Variants in DENND1A observed in about 807,000 individuals in gnomAD.
The protein encoded by DENND1A is DENN domain containing 1A, also known as DENN domain-containing protein 1A.
In DENND1A, 51 loss-of-function variants were observed where a neutral mutation model predicts 113.7. The ratio of observed to expected loss-of-function variants is 0.45; its 90% CI spans 0.36 to 0.57. DENND1A has a LOEUF of 0.57. DENND1A is among the 20% of genes least tolerant of loss of function. The probability of loss-of-function intolerance (pLI) is 0.00; values close to 1 mark genes in which losing one functional copy is unlikely to be tolerated. For synonymous variants in DENND1A, 565 were observed against 570.8 expected, an observed-to-expected ratio of 0.99 and a Z score of 0.14; for missense variants, 1,258 against 1,395.9, an observed-to-expected ratio of 0.90 and a Z score of 1.57.
intron 17 of DENND1A, among the ~76,000 whole-genome samples, chr9:123,451,054 G>GAGTA (rs1470772333): frequency 2.6e-5 from 4 of 152,024 alleles, no homozygotes; most frequent in African/African-American, 9.7e-5. Flanking sequence ...CCTGGTGACA[G>GAGTA]CTACCAGTAA....
At chr9:123,624,981 T>A (rs756354987) in intron 10 of DENND1A, among the ~76,000 whole-genome samples, 2 of 152,180 alleles carry the variant, frequency 1.3e-5, no homozygotes, top group Admixed American at 1.3e-4. Context: ...TGTAGAAATA[T>A]TGGAAAATAT....
rs78889184 is a variant in DENND1A at position 123,599,636 on chromosome 9, T to A, written c.765+9800A>T. 5.1e-3 allele frequency among the ~76,000 whole-genome samples: 776 copies of A among 152,226 alleles called. 6 individuals carry two copies. The highest frequency in any genetic ancestry group is 0.018 in the African/African-American group (738 of 41,528). The stretch of plus-strand genomic sequence containing the variant: ...GCGACTTGCCCAAATTACAGATAGA[T>A]AAATGGCAGAGCTGGGATTCAAACT... On this transcript the variant is annotated intron_variant, in intron 11 of 23. Coordinates refer to ENST00000394215, the MANE Select transcript of DENND1A (RefSeq NM_001352964.2).
chr9:123,918,691 A>G (rs73577788), intron 1 of DENND1A, among the ~76,000 whole-genome samples: 10,980 of 152,212 alleles, frequency 0.072, 645 homozygotes, highest in African/African-American at 0.16. Context: ...TGCCTTTCCT[A>G]TATGAACTGT....
At chr9:123,832,974 T>G (rs551573483) in intron 2 of DENND1A, among the ~76,000 whole-genome samples, 3 of 151,844 alleles carry the variant, frequency 2.0e-5, no homozygotes, top group African/African-American at 7.2e-5. Context: ...TTAGCCAGGT[T>G]GGGGGTCCGG....
intron 13 of DENND1A, among the ~76,000 whole-genome samples, chr9:123,496,794 G>A (rs1441704334): frequency 2.0e-5 from 3 of 152,336 alleles, no homozygotes; most frequent in East Asian, 3.9e-4. Context: ...GTACACGTAG[G>A]GGGAAAACCG....
chr9:123,661,434 AC>A (rs1260912468), intron 8 of DENND1A, among the ~76,000 whole-genome samples: 1 of 152,214 alleles, frequency 6.6e-6, no homozygotes, highest in Middle Eastern at 3.2e-3. Context: ...ACATGTCATA[AC>A]CTACCATTCC....
chr9:123,825,774 C>A (rs949117574), intron 2 of DENND1A, among the ~76,000 whole-genome samples: 1 of 152,192 alleles, frequency 6.6e-6, no homozygotes, highest in African/African-American at 2.4e-5. Flanking sequence ...ATTTTGTATC[C>A]GATTTTTCAC....
rs145363548 is a variant in DENND1A, at chr9:123,477,218, C to T, written c.994-19321G>A. ...CCTAATGGGACGTGAGAGCAAATTC[C>T]TGCTCCAGAAGATGGGTGTAGATTA... On this transcript the variant is annotated intron_variant, in intron 13 of 23. Transcript: ENST00000394215. 3.9e-5 allele frequency among the ~76,000 whole-genome samples: 6 copies of T among 152,252 alleles called. No homozygotes were observed. The East Asian group carries it at 1.2e-3, about 29-fold the overall frequency.
intron 7 of DENND1A, 59 bp from the exon 8 acceptor site, chr9:123,667,138 T>G: frequency 6.7e-7 from 1 of 1,488,972 alleles, no homozygotes; most frequent in Non-Finnish European, 9.1e-7. Flanking sequence ...ATTGCATTAC[T>G]CAGAATTCAG....
At chr9:123,400,637 G>A (rs1243284917) in intron 21 of DENND1A, 1 of 152,218 alleles carries the variant, frequency 6.6e-6, no homozygotes, top group Admixed American at 6.5e-5. Context: ...CTGGAGTGTG[G>A]TGGTGTGATC....
intron 21 of DENND1A, among the ~76,000 whole-genome samples, chr9:123,396,347 C>T (rs1223038972): frequency 1.3e-5 from 2 of 152,234 alleles, no homozygotes; most frequent in African/African-American, 2.4e-5. Context: ...ATGCACCAGG[C>T]CGCCATCCAA....
chr9:123,588,094 G>A (rs1197479087), intron 11 of DENND1A, among the ~76,000 whole-genome samples: 2 of 151,038 alleles, frequency 1.3e-5, no homozygotes, highest in African/African-American at 4.9e-5. Flanking sequence ...CCTGACCAAT[G>A]GAGAAACCCC....
At chr9:123,670,686 A>AAGGGACT (rs1280021128) in intron 7 of DENND1A, among the ~76,000 whole-genome samples, 2 of 152,262 alleles carry the variant, frequency 1.3e-5, no homozygotes, top group Admixed American at 1.3e-4. Flanking sequence ...CTCAAGGGAC[A>AAGGGACT]CACAGTCCAG....
At chr9:123,662,343 A>G (rs1261284771) in intron 8 of DENND1A, among the ~76,000 whole-genome samples, 1 of 152,136 alleles carries the variant, frequency 6.6e-6, no homozygotes, top group East Asian at 1.9e-4. Context: ...AGGTGGATCA[A>G]TTGAGGTCAG....
chr9:123,710,606 AT>A (rs1449268979), intron 5 of DENND1A, among the ~76,000 whole-genome samples: 3 of 150,316 alleles, frequency 2.0e-5, no homozygotes, highest in Non-Finnish European at 4.4e-5. Context: ...AATTCTGATA[AT>A]TTTTAAATGT....
At chr9:123,832,774 C>T (rs999770374) in intron 2 of DENND1A, among the ~76,000 whole-genome samples, 4 of 152,168 alleles carry the variant, frequency 2.6e-5, no homozygotes, top group Non-Finnish European at 4.4e-5. Flanking sequence ...ACACTCATGA[C>T]TCCATCTATA....
intron 11 of DENND1A, among the ~76,000 whole-genome samples, chr9:123,583,922 T>C (rs2059041312): frequency 6.6e-6 from 1 of 152,214 alleles, no homozygotes; most frequent in African/African-American, 2.4e-5. Flanking sequence ...GTTTTCATGC[T>C]TGGTGACAGG....
chr9:123,808,517 C>T (rs1218081653), intron 2 of DENND1A, among the ~76,000 whole-genome samples: 1 of 151,778 alleles, frequency 6.6e-6, no homozygotes, highest in African/African-American at 2.4e-5. Flanking sequence ...AGTAGCTGGA[C>T]CTACAGGCAA....
At chr9:123,921,222 A>C (rs56015757) in intron 1 of DENND1A, among the ~76,000 whole-genome samples, 18,975 of 152,220 alleles carry the variant, frequency 0.12, 1,744 homozygotes, top group African/African-American at 0.26. Flanking sequence ...CTGCCATTTA[A>C]TAAGCAGTCA....
Sources: allele counts gnomAD v4.1 joint callset (sites outside exome capture counted in the v4.1 genomes callset), GRCh38; gene constraint gnomAD v4.1.1; transcripts MANE v1.5; gene names NCBI Gene and HGNC (gene_info 2026-07-23, HGNC 2026-07-21).